Variants in LYRM4 observed in about 807,000 individuals in gnomAD.
LYRM4 encodes LYR motif containing 4, also known as LYR motif-containing protein 4.
Under a neutral mutation model 11.7 loss-of-function variants are expected in LYRM4, and 9 were observed. The observed-to-expected ratio is 0.77, with a 90% CI of 0.46 to 1.34. The LOEUF (loss-of-function observed/expected upper bound fraction) is 1.34. Ranked by LOEUF, LYRM4 falls within the 40% of genes most tolerant of loss-of-function variation. LYRM4 has a pLI of 0.00. For synonymous variants in LYRM4, 42 were observed against 40.4 expected, an observed-to-expected ratio of 1.04 and a Z score of -0.15; for missense variants, 133 against 112.5, an observed-to-expected ratio of 1.18 and a Z score of -0.82.
At chr6:5,119,841 C>T (rs751033082) in intron 2 of LYRM4, among the ~76,000 whole-genome samples, 1 of 150,566 alleles carries the variant, frequency 6.6e-6, no homozygotes, top group Admixed American at 6.6e-5. Flanking sequence ...AAAGGCCCAC[C>T]ATGTGATGGT....
chr6:5,172,119 C>G (rs961961016), intron 2 of LYRM4, among the ~76,000 whole-genome samples: 7 of 152,144 alleles, frequency 4.6e-5, no homozygotes, highest in Admixed American at 1.3e-4. Context: ...ATTCAGGAAC[C>G]CTTCACCATC....
chr6:5,203,798 C>CTTTT (rs1295053673), intron 2 of LYRM4, among the ~76,000 whole-genome samples: 7 of 152,174 alleles, frequency 4.6e-5, no homozygotes, highest in African/African-American at 1.7e-4. Flanking sequence ...GGCTGGAGAG[C>CTTTT]AGAAGCACAT....
At chr6:5,154,162 G>A (rs563701616) in intron 2 of LYRM4, among the ~76,000 whole-genome samples, 3 of 152,154 alleles carry the variant, frequency 2.0e-5, no homozygotes, top group African/African-American at 7.2e-5. Context: ...ACTTTCTCCT[G>A]AAACTCCCCA....
chr6:5,145,565 A>G (rs1303244570), intron 2 of LYRM4, among the ~76,000 whole-genome samples: 3 of 152,244 alleles, frequency 2.0e-5, no homozygotes, highest in Non-Finnish European at 4.4e-5. Flanking sequence ...CCAAGTAATA[A>G]AAAAGCTTCA....
chr6:5,208,804 G>A (rs1761839694), intron 2 of LYRM4, among the ~76,000 whole-genome samples: 1 of 152,206 alleles, frequency 6.6e-6, no homozygotes, highest in Non-Finnish European at 1.5e-5. Flanking sequence ...TATAGCTGCA[G>A]AGGAATTATA....
At chr6:5,050,960 A>G in the LYRM4 span, among the ~76,000 whole-genome samples, 5 of 152,374 alleles carry the variant, frequency 3.3e-5, no homozygotes, top group East Asian at 9.6e-4. Context: ...GTATGAACAA[A>G]ATGGAAATAT....
At chr6:5,094,829 G>C in the LYRM4 span, among the ~76,000 whole-genome samples, 1 of 152,152 alleles carries the variant, frequency 6.6e-6, no homozygotes, top group South Asian at 2.1e-4. Flanking sequence ...ACTTTAAAAG[G>C]GATCGCTGAA....
At chr6:5,040,344 GATAGATAGATAC>G in the LYRM4 span, among the ~76,000 whole-genome samples, 22 of 144,680 alleles carry the variant, frequency 1.5e-4, no homozygotes, top group African/African-American at 4.4e-4. Context: ...TAGATAGATA[GATAGATAGATAC>G]ATACATACAT....
the LYRM4 span, among the ~76,000 whole-genome samples, chr6:5,045,507 T>C: frequency 3.9e-5 from 6 of 152,302 alleles, no homozygotes; most frequent in East Asian, 1.2e-3. Context: ...AGTTTCAGTT[T>C]GGGAAGATGA....
the LYRM4 span, among the ~76,000 whole-genome samples, chr6:5,081,113 G>A: frequency 8.0e-5 from 11 of 137,266 alleles, no homozygotes; most frequent in African/African-American, 1.1e-4. Flanking sequence ...GATGTTTGAA[G>A]TAGGACTGAA....
At chr6:5,251,092 G>A (rs371714456) in intron 1 of LYRM4, among the ~76,000 whole-genome samples, 37 of 152,182 alleles carry the variant, frequency 2.4e-4, no homozygotes, top group South Asian at 8.3e-4. Flanking sequence ...TTGCATATGC[G>A]CAACCATACT....
intron 2 of LYRM4, among the ~76,000 whole-genome samples, chr6:5,161,718 T>A (rs1234343946): frequency 6.6e-6 from 1 of 152,230 alleles, no homozygotes; most frequent in South Asian, 2.1e-4. Context: ...TGGAGGAGGC[T>A]GTTGGAGCCC....
chr6:5,085,013 GGT>G, the LYRM4 span: 1 of 162,878 alleles, frequency 6.1e-6, no homozygotes, highest in Admixed American at 6.4e-5. Flanking sequence ...TGCACGTGGG[GGT>G]CTCTGAAGGT....
At chr6:5,221,269 T>G (rs779619931) in intron 1 of LYRM4, among the ~76,000 whole-genome samples, 4 of 152,250 alleles carry the variant, frequency 2.6e-5, no homozygotes, top group Non-Finnish European at 5.9e-5. Context: ...AGGTTTCACC[T>G]GCCATATAGA....
At chr6:5,113,267 T>C in intron 2 of LYRM4, 2 of 428,852 alleles carry the variant, frequency 4.7e-6, no homozygotes, top group Non-Finnish European at 9.3e-6. Flanking sequence ...ACCCTGTCTC[T>C]ACTAAAAATA....
At chr6:5,138,487 C>CAA (rs765741377) in intron 2 of LYRM4, among the ~76,000 whole-genome samples, 15 of 49,688 alleles carry the variant, frequency 3.0e-4, no homozygotes, top group African/African-American at 5.8e-4. Flanking sequence ...ACCCTGTCTC[C>CAA]AAAAAAAAAA....
At chr6:5,205,946 G>A (rs9392663) in intron 2 of LYRM4, among the ~76,000 whole-genome samples, 1 of 152,314 alleles carries the variant, frequency 6.6e-6, no homozygotes, top group East Asian at 1.9e-4. Context: ...TTCACAAAGT[G>A]CAGCTCCAGG....
At chr6:5,230,140 G>A (rs761196340) in intron 1 of LYRM4, among the ~76,000 whole-genome samples, 6 of 152,164 alleles carry the variant, frequency 3.9e-5, no homozygotes, top group Non-Finnish European at 8.8e-5. Flanking sequence ...GGTTTTAGAC[G>A]TGCCTATTTA....
At chr6:5,184,774 A>G (rs565470510) in intron 2 of LYRM4, among the ~76,000 whole-genome samples, 2 of 152,304 alleles carry the variant, frequency 1.3e-5, no homozygotes, top group Admixed American at 1.3e-4. Flanking sequence ...GTTCTGTGCT[A>G]AAAAAGACAG....
Sources: gnomAD v4.1 joint callset for allele counts (sites outside exome capture counted in the v4.1 genomes callset) on GRCh38, gnomAD v4.1.1 for gene constraint, MANE v1.5 for transcripts, NCBI Gene and HGNC (gene_info 2026-07-23, HGNC 2026-07-21) for gene names.